Variants in DBH observed in about 807,000 individuals in gnomAD.
The protein encoded by DBH is dopamine beta-hydroxylase (dopamine beta-monooxygenase).
In DBH, 49 loss-of-function variants were observed where a neutral mutation model predicts 64.0. The observed-to-expected ratio is 0.77, with a 90% confidence interval of 0.61 to 0.97. The LOEUF is 0.97. Among genes scored for constraint, DBH ranks in the 50% least tolerant of loss-of-function variants. The probability of loss-of-function intolerance (pLI) is 0.00; values close to 1 mark genes in which losing one functional copy is unlikely to be tolerated. For synonymous variants in DBH, 343 were observed against 347.1 expected, an observed-to-expected ratio of 0.99 and a Z score of 0.13; for missense variants, 828 against 826.6, an observed-to-expected ratio of 1.00 and a Z score of -0.02.
In DBH at chr9:133,657,223, C is replaced by A. The variant is rs1832335101; in HGVS notation, c.1716C>A (p.Arg572=). ...SMHCNKSSAV[R]FQGEWNLQPL... is the part of the protein sequence containing the mutation. ...ACTGCAACAAGTCCTCAGCCGTCCG[C>A]TTCCAGGTGCGCTGCCATGGGCCCG... is the stretch of plus-strand genomic sequence containing the variant. Residue 572 remains arginine (R), a synonymous_variant, in exon 11 of 12, where the codon CGC becomes CGA. Coordinates refer to ENST00000393056, the MANE Select transcript of DBH (RefSeq NM_000787.4). 1 of 1,613,820 alleles carries A rather than the reference C, an allele frequency of 6.2e-7. No individual in the cohort carries two copies. Among genetic ancestry groups the A allele is most frequent in the Non-Finnish European group, 8.5e-7 (1 of 1,180,052 alleles).
chr9:133,636,370 C>A lies in DBH; in HGVS notation c.-2C>A, dbSNP rs753429940. On this transcript the variant is annotated 5_prime_UTR_variant, in exon 1 of 12. Coordinates refer to ENST00000393056, the MANE Select transcript of DBH (RefSeq NM_000787.4). Reference sequence around the variant, plus strand: ...GGTGGGACCAGAGAGCTCACCCCAGCCATGCCCGCCCTCAGTCGCTGGGCC... The same window carrying A: ...GGTGGGACCAGAGAGCTCACCCCAGACATGCCCGCCCTCAGTCGCTGGGCC... The A allele has an allele frequency of 6.2e-7, 1 of 1,607,498 alleles. No individual in the cohort carries two copies. Among genetic ancestry groups the A allele is most frequent in the Non-Finnish European group, 8.5e-7 (1 of 1,179,882 alleles).
At chr9:133,638,442 C>T (rs189099712) in intron 1 of DBH, among the ~76,000 whole-genome samples, 1 of 152,206 alleles carries the variant, frequency 6.6e-6, no homozygotes, top group Non-Finnish European at 1.5e-5. Context: ...AACCCAAAGT[C>T]CTTAAGGCCA....
chr9:133,651,928 T>C (rs964435990), intron 7 of DBH, 151 bp downstream of exon 7: 1 of 803,116 alleles, frequency 1.2e-6, no homozygotes, highest in African/African-American at 1.8e-5. Context: ...ATGTGGCCTG[T>C]GCTCCCCACT....
Position 133,639,132 on chromosome 9 carries a change from C to T in DBH, c.340-714C>T, listed in dbSNP as rs1416974597. Among the ~76,000 whole-genome samples, 5 of 151,574 alleles carry T rather than the reference C, an allele frequency of 3.3e-5. No individual in the cohort carries two copies. The East Asian group carries it at 9.7e-4, about 29-fold the overall frequency. ...TTCAGGCTGGGTGTGGTGGCTCATGCCTGTAATTCCAGCACTTTGGGAGGG... is the reference window on the plus strand; with the variant it reads ...TTCAGGCTGGGTGTGGTGGCTCATGTCTGTAATTCCAGCACTTTGGGAGGG... On this transcript the variant is annotated intron_variant, in intron 1 of 11. Transcript: ENST00000393056.
chr9:133,644,241 C>T lies in DBH; in HGVS notation c.945C>T (p.Ala315=), dbSNP rs374270697. ...AGGCATTTTACTACCCAGAGGAAGC[C>T]GGCCTTGCCTTCGGGGGTCCAGGGT... ...GAKAFYYPEE[A]GLAFGGPGSS... The change falls in exon 5 of 12, where the codon GCC becomes GCT. Residue 315 remains alanine, a synonymous_variant. Transcript: ENST00000393056. 3.7e-5 allele frequency: 59 copies of T among 1,614,052 alleles called. No individual in the cohort carries two copies. The highest frequency in any genetic ancestry group is 6.7e-5 in the Admixed American group (4 of 60,014).
chr9:133,657,149 A>T lies in DBH; in HGVS notation c.1642A>T (p.Asn548Tyr). 1 of 1,614,100 alleles carries T rather than the reference A, an allele frequency of 6.2e-7. No individual in the cohort carries two copies. Among genetic ancestry groups the T allele is most frequent in the Non-Finnish European group, 8.5e-7 (1 of 1,180,012 alleles). ...CACCTCTGTTCCCTGGAACTCCTTC[A>T]ACCGCGACGTACTGAAGGCCCTGTA... ...QFTSVPWNSF[N>Y]RDVLKALYSF... The change falls in exon 11 of 12, where the codon AAC (asparagine) becomes TAC (tyrosine). Residue 548 changes from asparagine to tyrosine, a missense_variant. Physicochemically the swap from Asn to Tyr is moderately radical, Grantham distance 143. Transcript: ENST00000393056.
rs776539329 is a variant in DBH, at chr9:133,636,435, T to C, written c.64T>C (p.Tyr22His). ...CAGCATGCGGGAGGCAGCCTTCATG[T>C]ACAGCACAGCAGTGGCCATCTTCCT... ...GPSMREAAFM[Y>H]STAVAIFLVI... The change falls in exon 1 of 12, where the codon TAC becomes CAC. Residue 22 changes from tyrosine to histidine, a missense_variant. Tyr to His is a moderately conservative substitution (Grantham distance 83). Coordinates refer to ENST00000393056, the MANE Select transcript of DBH (RefSeq NM_000787.4). The C allele has an allele frequency of 3.7e-6, 6 of 1,612,860 alleles. No individual in the cohort carries two copies. Among genetic ancestry groups the C allele is most frequent in the Non-Finnish European group, 3.4e-6 (4 of 1,179,952 alleles).
intron 6 of DBH, among the ~76,000 whole-genome samples, chr9:133,648,266 C>T (rs201338628): frequency 8.0e-4 from 122 of 152,358 alleles, no homozygotes; most frequent in African/African-American, 1.4e-3. Flanking sequence ...CAGGCTTCCA[C>T]GAGCTGCATT....
chr9:133,647,845 G>A lies in DBH; in HGVS notation c.1025-1G>A. The A allele has an allele frequency of 6.2e-7, 1 of 1,614,212 alleles. No individual in the cohort carries two copies. Among genetic ancestry groups the A allele is most frequent in the South Asian group, 1.1e-5 (1 of 91,086 alleles). On this transcript the variant is annotated splice_acceptor_variant, in intron 5 of 11. Coordinates refer to ENST00000393056, the MANE Select transcript of DBH (RefSeq NM_000787.4). LOFTEE classifies it high-confidence loss of function. ...CCTCCATCCATCCCACCTTCTCCCA[G>A]GACGAAACGACTCCTCAGGCATCCG...
intron 5 of DBH, among the ~76,000 whole-genome samples, chr9:133,644,941 C>T (rs1832163900): frequency 7.3e-6 from 1 of 136,192 alleles, no homozygotes. Context: ...CACACGCACA[C>T]AATGCACACA....
Position 133,658,369 on chromosome 9 carries a change from C to G in DBH, c.1776C>G (p.Pro592=). 1 of 1,613,882 alleles carries G rather than the reference C, an allele frequency of 6.2e-7. No homozygotes were observed. Among genetic ancestry groups the G allele is most frequent in the Non-Finnish European group, 8.5e-7 (1 of 1,179,910 alleles). Residue 592 remains proline, a synonymous_variant, in exon 12 of 12, where the codon CCC becomes CCG. Coordinates refer to ENST00000393056, the MANE Select transcript of DBH (RefSeq NM_000787.4). ...AGGTCATCTCCACACTGGAAGAGCC[C>G]ACCCCACAGTGCCCCACCAGCCAGG... ...LPKVISTLEE[P]TPQCPTSQGR...
chr9:133,657,663 G>C (rs990151819), intron 11 of DBH, among the ~76,000 whole-genome samples: 39 of 152,168 alleles, frequency 2.6e-4, no homozygotes, highest in African/African-American at 8.9e-4. Flanking sequence ...CAGGGGAGGG[G>C]AAGGTAAGAA....
Position 133,652,972 on chromosome 9 carries a change from C to A in DBH, c.1407C>A (p.Asn469Lys). The change falls in exon 9 of 12, where the codon AAC becomes AAA. Residue 469 changes from asparagine to lysine, a missense_variant. Transcript: ENST00000393056. ...TGCTCATCACCTCCTGCACGTACAA[C>A]ACAGAAGACCGGGAGCTGGCCACAG... Reference protein sequence around the residue: ...GDVLITSCTYNTEDRELATVG... With the variant: ...GDVLITSCTYKTEDRELATVG... 1.2e-6 allele frequency: 2 copies of A among 1,613,558 alleles called. No homozygotes were observed. Among genetic ancestry groups the A allele is most frequent in the Non-Finnish European group, 1.7e-6 (2 of 1,179,736 alleles).
chr9:133,658,412 C>T lies in DBH; in HGVS notation c.1819C>T (p.Pro607Ser), dbSNP rs148806316. ...PTSQGRSPAG[P>S]TVVSIGGGKG ...CAGCCAGGGCCGAAGCCCTGCTGGC[C>T]CCACCGTTGTCAGCATTGGTGGGGG... The change falls in exon 12 of 12, where the codon CCC becomes TCC. Residue 607 changes from proline to serine, a missense_variant. Physicochemically the swap from Pro to Ser is moderately conservative, Grantham distance 74. Transcript: ENST00000393056. The T allele has an allele frequency of 1.9e-3, 3,130 of 1,613,258 alleles. 32 individuals are homozygous for T. The highest frequency in any genetic ancestry group is 1.2e-3 in the Non-Finnish European group (1,445 of 1,179,548).
Position 133,658,668 on chromosome 9 carries a change from C to T in DBH, c.*221C>T. On this transcript the variant is annotated 3_prime_UTR_variant, in exon 12 of 12. Coordinates refer to ENST00000393056, the MANE Select transcript of DBH (RefSeq NM_000787.4). Reference sequence around the variant, plus strand: ...GGGTGCCCTGTTGACCTACCCTGGACCGAGTGGACCACGACCTCGTCCATT... The same window carrying T: ...GGGTGCCCTGTTGACCTACCCTGGATCGAGTGGACCACGACCTCGTCCATT... 4.1e-6 allele frequency: 2 copies of T among 483,226 alleles called. No individual in the cohort carries two copies. Among genetic ancestry groups the T allele is most frequent in the Non-Finnish European group, 3.6e-6 (1 of 279,212 alleles). 29.9% of individuals were successfully genotyped at this position (483,226 alleles called of 1,614,324 possible). A position where few individuals can be genotyped will look rare whatever the true frequency, so the allele number is the denominator to read the frequency against.
At chr9:133,641,095 C>A (rs371015470) in intron 2 of DBH, among the ~76,000 whole-genome samples, 1 of 151,994 alleles carries the variant, frequency 6.6e-6, no homozygotes, top group African/African-American at 2.4e-5. Context: ...CTCACACAAG[C>A]GTGAATGTTG....
chr9:133,657,103 G>A lies in DBH; in HGVS notation c.1596G>A (p.Gln532=). 6.2e-7 allele frequency: 1 copy of A among 1,614,030 alleles called. No homozygotes were observed. The highest frequency in any genetic ancestry group is 8.5e-7 in the Non-Finnish European group (1 of 1,180,038). The change falls in exon 11 of 12, where the codon CAG becomes CAA. Residue 532 remains glutamine (Q), a synonymous_variant. Coordinates refer to ENST00000393056, the MANE Select transcript of DBH (RefSeq NM_000787.4). ...ACGAGGATGTCTGCACCTGCCCTCA[G>A]GCGTCCGTGTCTCAGCAGTTCACCT... The part of the protein sequence containing the change: ...FNNEDVCTCP[Q]ASVSQQFTSV...
At chr9:133,650,470 CTTTCT>C in intron 6 of DBH, among the ~76,000 whole-genome samples, 1 of 146,780 alleles carries the variant, frequency 6.8e-6, no homozygotes, top group East Asian at 1.9e-4. Context: ...TTTTCTTTTT[CTTTCT>C]TTTTCTTTTT....
At chr9:133,638,407 T>C in intron 1 of DBH, among the ~76,000 whole-genome samples, 1 of 152,216 alleles carries the variant, frequency 6.6e-6, no homozygotes, top group Non-Finnish European at 1.5e-5. Context: ...TGTTTTACCC[T>C]GAATGTAAGA....
Sources: gnomAD v4.1 joint callset for allele counts (sites outside exome capture counted in the v4.1 genomes callset) on GRCh38, gnomAD v4.1.1 for gene constraint, MANE v1.5 for transcripts, NCBI Gene and HGNC (gene_info 2026-07-23, HGNC 2026-07-21) for gene names.